RAPGEF1: variants seen among roughly 807,000 people sequenced by gnomAD.
RAPGEF1 encodes Rap guanine nucleotide exchange factor 1, also known as CRK SH3-binding GNRP.
In RAPGEF1, 33 loss-of-function variants were observed where a neutral mutation model predicts 143.3. The observed-to-expected ratio is 0.23, with a 90% CI of 0.17 to 0.31. The LOEUF (loss-of-function observed/expected upper bound fraction) is 0.31, where lower values mean the gene tolerates loss of function less well. Ranked by LOEUF, RAPGEF1 falls within the 10% of genes least tolerant of loss-of-function variation. The pLI, the probability that RAPGEF1 is intolerant of heterozygous loss-of-function variation, is 1.00. For synonymous variants in RAPGEF1, 629 were observed against 676.5 expected, an observed-to-expected ratio of 0.93 and a Z score of 1.09; for missense variants, 1,199 against 1,645.4, an observed-to-expected ratio of 0.73 and a Z score of 4.69.
At chr9:131,642,582 C>A (rs1046502791) in intron 4 of RAPGEF1, among the ~76,000 whole-genome samples, 1 of 152,242 alleles carries the variant, frequency 6.6e-6, no homozygotes, top group Non-Finnish European at 1.5e-5. Flanking sequence ...AAGCTCCCTG[C>A]AGGAGGCCTG....
At chr9:131,590,289 CACGTAGA>C (rs67584036) in intron 18 of RAPGEF1, among the ~76,000 whole-genome samples, 25,323 of 152,058 alleles carry the variant, frequency 0.17, 2,550 homozygotes, top group Middle Eastern at 0.34. Context: ...AGATTACAGA[CACGTAGA>C]GAGTGCCTTG....
rs528611013 is a variant in RAPGEF1, at chr9:131,635,414, GA to G, written c.651+3220del. 1.6e-3 allele frequency among the ~76,000 whole-genome samples: 214 copies of G among 134,950 alleles called. 1 individual carries two copies. The highest frequency in any genetic ancestry group is 3.4e-3 in the African/African-American group (126 of 36,816). 88.5% of individuals were successfully genotyped at this position (134,950 alleles called of 152,430 possible). A position where few individuals can be genotyped will look rare whatever the true frequency, so the allele number is the denominator to read the frequency against. ...TTTTACAACCCATGTTCAATCATTT[GA>G]AAAAAAAAAAAAGAGGAAAGACTCC... On this transcript the variant is annotated intron_variant, in intron 5 of 26. Coordinates refer to ENST00000683357, the MANE Select transcript of RAPGEF1 (RefSeq NM_001377935.1).
At chr9:131,624,857 A>C (rs3808801) in intron 10 of RAPGEF1, among the ~76,000 whole-genome samples, 6,052 of 152,328 alleles carry the variant, frequency 0.04, 245 homozygotes, top group East Asian at 0.089. Flanking sequence ...CTGGGGGACC[A>C]CACTGCTGAG....
At chr9:131,721,056 G>A (rs1836228511) in intron 1 of RAPGEF1, among the ~76,000 whole-genome samples, 1 of 152,116 alleles carries the variant, frequency 6.6e-6, no homozygotes, top group Non-Finnish European at 1.5e-5. Context: ...AGTAGCAGAT[G>A]CCCATGGGAG....
intron 1 of RAPGEF1, among the ~76,000 whole-genome samples, chr9:131,724,582 G>A (rs1315198355): frequency 6.6e-6 from 1 of 152,064 alleles, no homozygotes; most frequent in Non-Finnish European, 1.5e-5. Context: ...GCGACTGAGC[G>A]AGATTCCGGC....
At chr9:131,640,724 G>A (rs183870771) in intron 4 of RAPGEF1, among the ~76,000 whole-genome samples, 33 of 152,262 alleles carry the variant, frequency 2.2e-4, no homozygotes, top group Non-Finnish European at 2.8e-4. Context: ...AGGTGAGGGC[G>A]GCAAAGGGCC....
At chr9:131,682,398 C>T (rs1253584253) in intron 1 of RAPGEF1, among the ~76,000 whole-genome samples, 1 of 152,174 alleles carries the variant, frequency 6.6e-6, no homozygotes, top group African/African-American at 2.4e-5. Flanking sequence ...CGTACAATGT[C>T]TGTCAGTAGA....
Position 131,739,837 on chromosome 9 carries a change from CG to C in RAPGEF1, c.-8del. On this transcript the variant is annotated 5_prime_UTR_variant, in exon 1 of 27. Coordinates refer to ENST00000683357, the MANE Select transcript of RAPGEF1 (RefSeq NM_001377935.1). ...GGCCGAGGCCGCCGCTCATCGGGCC[CG>C]GGCCGGGCCGCCGCGGGGCGACAGG... The C allele has an allele frequency of 9.7e-7, 1 of 1,031,250 alleles. No homozygotes were observed. The highest frequency in any genetic ancestry group is 1.2e-6 in the Non-Finnish European group (1 of 863,738). The allele number at this position is 1,031,250 out of a possible 1,614,324, so 63.9% of individuals were successfully genotyped here.
chr9:131,620,312 C>T (rs1201995436), intron 11 of RAPGEF1, among the ~76,000 whole-genome samples: 3 of 150,940 alleles, frequency 2.0e-5, no homozygotes, highest in South Asian at 2.1e-4. Context: ...CTATGTTGTC[C>T]AGGCTGGTCT....
rs1228437622 is a variant in RAPGEF1 at position 131,583,699 on chromosome 9, T to C, written c.3414+612A>G. Among the ~76,000 whole-genome samples, 1 of 152,228 alleles carries C rather than the reference T, an allele frequency of 6.6e-6. No homozygotes were observed. Among genetic ancestry groups the C allele is most frequent in the Non-Finnish European group, 1.5e-5 (1 of 68,042 alleles). On this transcript the variant is annotated intron_variant, in intron 24 of 26. Transcript: ENST00000683357. The surrounding 1 kb of genome is among the most constrained non-coding windows in gnomAD (Gnocchi z 4.7). ...CCTCACCAGGCTCCTGAGGCTCTCATGACCTAGAACTGGTCCCCTTCTCCC... is the reference window on the plus strand; with the variant it reads ...CCTCACCAGGCTCCTGAGGCTCTCACGACCTAGAACTGGTCCCCTTCTCCC...
intron 5 of RAPGEF1, among the ~76,000 whole-genome samples, chr9:131,637,602 G>C (rs1487402199): frequency 6.6e-6 from 1 of 152,006 alleles, no homozygotes; most frequent in African/African-American, 2.4e-5. Flanking sequence ...TGGATTGAGG[G>C]GTCCAGAAAG....
intron 1 of RAPGEF1, among the ~76,000 whole-genome samples, chr9:131,706,560 G>A (rs2131169194): frequency 6.6e-6 from 1 of 152,254 alleles, no homozygotes; most frequent in South Asian, 2.1e-4. Flanking sequence ...GTGAGCCACT[G>A]CATCCAGTGT....
chr9:131,586,214 G>GCACGCA (rs1952713658), intron 22 of RAPGEF1, among the ~76,000 whole-genome samples: 1 of 124,542 alleles, frequency 8.0e-6, no homozygotes, highest in South Asian at 2.6e-4. Context: ...ACACACGCAC[G>GCACGCA]CACACACACA....
At position 131,584,478 on chromosome 9, in the gene RAPGEF1, A is replaced by G. The variant is rs1321115584; in HGVS notation, c.3312+40T>C. 1 of 1,612,912 alleles carries G rather than the reference A, an allele frequency of 6.2e-7. No individual in the cohort carries two copies. The highest frequency in any genetic ancestry group is 8.5e-7 in the Non-Finnish European group (1 of 1,178,912). ...CGGGTCCCGGGCTCCCAGAGCAGGG[A>G]CTGATGATGGGGGCCTGGGAAGGAC... is the stretch of plus-strand genomic sequence containing the variant. On this transcript the variant is annotated intron_variant, in intron 23 of 26. Transcript: ENST00000683357. This position sits in a 1 kb window ranked among gnomAD's most constrained non-coding sequence, Gnocchi z 6.8.
rs1296276827 is a variant in RAPGEF1 at position 131,621,460 on chromosome 9, T to A, written c.1905+336A>T. Among the ~76,000 whole-genome samples the A allele has an allele frequency of 2.0e-5, 3 of 152,152 alleles. No homozygotes were observed. The highest frequency in any genetic ancestry group is 6.5e-5 in the Admixed American group (1 of 15,284). ...GTCCCTCCTTTCTGGGAGGTCTATG[T>A]TGAAGCCAAAGAAGAAAGAAAAAAA... is the stretch of plus-strand genomic sequence containing the variant. On this transcript the variant is annotated intron_variant, in intron 11 of 26. Transcript: ENST00000683357. The surrounding 1 kb of genome is among the most constrained non-coding windows in gnomAD (Gnocchi z 4.5).
intron 1 of RAPGEF1, among the ~76,000 whole-genome samples, chr9:131,662,551 G>GTT (rs112255424): frequency 1.8e-4 from 23 of 129,928 alleles, no homozygotes; most frequent in East Asian, 7.1e-4. Context: ...GTTTTATTTT[G>GTT]TTTTTTTTTT....
chr9:131,701,129 T>C (rs2131117176), intron 1 of RAPGEF1, among the ~76,000 whole-genome samples: 1 of 152,264 alleles, frequency 6.6e-6, no homozygotes, highest in East Asian at 1.9e-4. Context: ...GTGATTAAAG[T>C]GGGCACTGGC....
chr9:131,706,394 C>G (rs781605118), intron 1 of RAPGEF1, among the ~76,000 whole-genome samples: 6 of 152,148 alleles, frequency 3.9e-5, no homozygotes, highest in Non-Finnish European at 5.9e-5. Context: ...TCCTGAGTAG[C>G]TGGGACTACT....
chr9:131,598,978 C>G (rs890597001), intron 15 of RAPGEF1, among the ~76,000 whole-genome samples: 1 of 152,218 alleles, frequency 6.6e-6, no homozygotes, highest in African/African-American at 2.4e-5. Context: ...GCACATGCCA[C>G]TACGTCCTGC....
Sources: gnomAD v4.1 joint callset for allele counts (sites outside exome capture counted in the v4.1 genomes callset) on GRCh38, gnomAD v4.1.1 for gene constraint, Gnocchi (gnomAD v3.1) non-coding constraint, MANE v1.5 for transcripts, NCBI Gene and HGNC (gene_info 2026-07-23, HGNC 2026-07-21) for gene names.